TMEM52B: variants seen among roughly 807,000 people sequenced by gnomAD.
The protein encoded by TMEM52B is chromosome 12 open reading frame 59.
Under a neutral mutation model 16.1 loss-of-function variants are expected in TMEM52B, and 11 were observed. The ratio of observed to expected loss-of-function variants is 0.68; its 90% CI spans 0.43 to 1.13. TMEM52B has a LOEUF of 1.13. TMEM52B is among the 50% of genes most tolerant of loss of function. The probability of loss-of-function intolerance (pLI) is 0.00; values close to 1 mark genes in which losing one functional copy is unlikely to be tolerated. For synonymous variants in TMEM52B, 101 were observed against 93.8 expected (o/e 1.08, Z -0.45); for missense variants, 243 against 230.4 (o/e 1.05, Z -0.35).
intron 1 of TMEM52B, among the ~76,000 whole-genome samples, chr12:10,173,810 A>C (rs1200843619): frequency 1.3e-5 from 2 of 151,746 alleles, no homozygotes; most frequent in African/African-American, 4.8e-5. Flanking sequence ...ACGATATCAC[A>C]CTGAAAAGGG....
At position 10,189,905 on chromosome 12, in the gene TMEM52B, C is replaced by T. The variant is rs777308706; in HGVS notation, c.317C>T (p.Ser106Leu). The T allele has an allele frequency of 1.4e-5, 22 of 1,613,782 alleles. No homozygotes were observed. The highest frequency in any genetic ancestry group is 1.2e-4 in the South Asian group (11 of 91,042). ...CCTTCTTTCTTCACAGCTCTGCAGT[C>T]GGTGTTTGGCCCTGCAGCTCGGAGG... is the stretch of plus-strand genomic sequence containing the variant. ...TLQSTITSLQ[S>L]VFGPAARRIL... The change falls in exon 5 of 5, where the codon TCG (serine) becomes TTG (leucine). Residue 106 changes from serine (S) to leucine (L), a missense_variant. Physicochemically the swap from Ser to Leu is moderately radical, Grantham distance 145 (BLOSUM62 -2). Coordinates refer to ENST00000543484, the MANE Select transcript of TMEM52B (RefSeq NM_001384896.1).
intron 2 of TMEM52B, among the ~76,000 whole-genome samples, chr12:10,184,701 T>A (rs1197168942): frequency 6.6e-6 from 1 of 152,228 alleles, no homozygotes; most frequent in Non-Finnish European, 1.5e-5. Flanking sequence ...CAAATGTGAT[T>A]GTATGACTTT....
rs748281972 is a variant in TMEM52B, at chr12:10,186,469, C to T, written c.187C>T (p.Leu63=). Residue 63 remains leucine, a synonymous_variant, in exon 4 of 5, where the codon CTG becomes TTG. Coordinates refer to ENST00000543484, the MANE Select transcript of TMEM52B (RefSeq NM_001384896.1). ...ALLLLCGLTS[L]CFRCCCLSRQ... ...GCTTCTCCTGTGTGGCCTGACGTCC[C>T]TGTGCTTCCGCTGCTGCTGTCTGAG... The T allele has an allele frequency of 3.3e-5, 53 of 1,612,528 alleles. No individual in the cohort carries two copies. The highest frequency in any genetic ancestry group is 1.6e-4 in the Middle Eastern group (1 of 6,072).
chr12:10,187,645 C>G (rs941052488), intron 4 of TMEM52B, among the ~76,000 whole-genome samples: 1 of 151,910 alleles, frequency 6.6e-6, no homozygotes, highest in Non-Finnish European at 1.5e-5. Flanking sequence ...GTTGGCCAGG[C>G]TGGTCTCAAA....
At chr12:10,171,132 A>G (rs1948712331) in intron 1 of TMEM52B, among the ~76,000 whole-genome samples, 1 of 152,258 alleles carries the variant, frequency 6.6e-6, no homozygotes, top group Non-Finnish European at 1.5e-5. Context: ...CAGTTTTTAT[A>G]GCAATTTAGT....
At position 10,182,548 on chromosome 12, in the gene TMEM52B, A is replaced by G. The variant is rs1948836676; in HGVS notation, c.55-2A>G. 1.3e-6 allele frequency: 2 copies of G among 1,535,114 alleles called. No individual in the cohort carries two copies. Among genetic ancestry groups the G allele is most frequent in the African/African-American group, 2.7e-5 (2 of 72,984 alleles). Reference sequence around the variant, plus strand: ...TGTATAAGACAATTTCTCTTTCTACAGCTTTCTGGGACGAGATGTGAGGAA... The same window carrying G: ...TGTATAAGACAATTTCTCTTTCTACGGCTTTCTGGGACGAGATGTGAGGAA... On this transcript the variant is annotated splice_acceptor_variant, in intron 1 of 4. Transcript: ENST00000543484. LOFTEE classifies it high-confidence loss of function.
In TMEM52B at chr12:10,179,434, G is replaced by T. The variant is rs1948796499; in HGVS notation, c.-141G>T. 10 of 859,264 alleles carry T rather than the reference G, an allele frequency of 1.2e-5. No individual in the cohort carries two copies. The highest frequency in any genetic ancestry group is 2.0e-5 in the Non-Finnish European group (10 of 511,632). 53.2% of individuals were successfully genotyped at this position (859,264 alleles called of 1,614,324 possible). On this transcript the variant is annotated 5_prime_UTR_variant, in exon 1 of 5. Transcript: ENST00000543484. ...GAGTAGGAGGAGACAGAGAGAACGA[G>T]AGAGAGAAAAGCTGATAAATTCCTG...
At chr12:10,175,945 C>T (rs1295165043), upstream of TMEM52B, among the ~76,000 whole-genome samples, 1 of 152,176 alleles carries the variant, frequency 6.6e-6, no homozygotes, top group Non-Finnish European at 1.5e-5. Flanking sequence ...ACTTGTTACA[C>T]CAGTTGTATA....
intron 3 of TMEM52B, among the ~76,000 whole-genome samples, chr12:10,185,736 CCATCT>C (rs1487152792): frequency 6.6e-6 from 1 of 151,860 alleles, no homozygotes; most frequent in Non-Finnish European, 1.5e-5. Flanking sequence ...AAAGAAACCC[CCATCT>C]CTATTAAAAA....
chr12:10,188,267 C>G (rs1027958080), intron 4 of TMEM52B, among the ~76,000 whole-genome samples: 1 of 151,964 alleles, frequency 6.6e-6, no homozygotes, highest in Non-Finnish European at 1.5e-5. Flanking sequence ...TGAGACCACC[C>G]TGGGCAACAT....
chr12:10,188,204 G>T (rs1372302876), intron 4 of TMEM52B, among the ~76,000 whole-genome samples: 1 of 152,084 alleles, frequency 6.6e-6, no homozygotes, highest in Non-Finnish European at 1.5e-5. Flanking sequence ...GATAACCAAG[G>T]CTGGGCACGG....
chr12:10,184,862 C>T (rs553148612), intron 2 of TMEM52B, among the ~76,000 whole-genome samples: 16 of 151,290 alleles, frequency 1.1e-4, no homozygotes, highest in African/African-American at 3.9e-4. Context: ...TTTGAGATGG[C>T]GTCACCACGG....
At chr12:10,170,532 C>A (rs961486711), upstream of TMEM52B, 1 of 143,816 alleles carries the variant, frequency 7.0e-6, no homozygotes, top group South Asian at 2.2e-4. Context: ...TTGCTCTTCG[C>A]CCAGGCTGGA....
rs978393197 is a variant in TMEM52B at position 10,191,702 on chromosome 12, A to G, written c.*1562A>G. 1 of 152,226 alleles carries G rather than the reference A, an allele frequency of 6.6e-6. No individual in the cohort carries two copies. The highest frequency in any genetic ancestry group is 1.5e-5 in the Non-Finnish European group (1 of 68,042). The allele number at this position is 152,226 out of a possible 1,614,324, so 9.4% of individuals were successfully genotyped here. On this transcript the variant is annotated 3_prime_UTR_variant, in exon 5 of 5. Transcript: ENST00000543484. Reference sequence around the variant, plus strand: ...GCCTGCTATGACTTATCTGAGAGCCATGTTCCCATTTATCTTTTTGCCAAC... The same window carrying G: ...GCCTGCTATGACTTATCTGAGAGCCGTGTTCCCATTTATCTTTTTGCCAAC...
At chr12:10,178,386 G>C (rs1591987679), upstream of TMEM52B, among the ~76,000 whole-genome samples, 1 of 151,984 alleles carries the variant, frequency 6.6e-6, no homozygotes, top group East Asian at 2.0e-4. Context: ...AGCCGGGCGT[G>C]GTGGTGGGCG....
At chr12:10,187,288 C>T (rs567045587) in intron 4 of TMEM52B, among the ~76,000 whole-genome samples, 47 of 151,716 alleles carry the variant, frequency 3.1e-4, no homozygotes, top group African/African-American at 1.1e-3. Context: ...TTTTAGTAGA[C>T]ACGAGGTTTC....
chr12:10,174,840 C>A (rs1948754145), upstream of TMEM52B, among the ~76,000 whole-genome samples: 1 of 152,058 alleles, frequency 6.6e-6, no homozygotes, highest in African/African-American at 2.4e-5. Context: ...TAATATTTGT[C>A]CTTTTGTATC....
At chr12:10,173,184 A>G (rs1018585272) in intron 1 of TMEM52B, among the ~76,000 whole-genome samples, 11 of 152,202 alleles carry the variant, frequency 7.2e-5, no homozygotes, top group African/African-American at 2.7e-4. Flanking sequence ...CTGATAGAAT[A>G]CTTTTCTATT....
intron 1 of TMEM52B, among the ~76,000 whole-genome samples, chr12:10,173,701 T>C (rs1312372835): frequency 6.6e-6 from 1 of 150,522 alleles, no homozygotes; most frequent in East Asian, 2.0e-4. Flanking sequence ...ATGCTTTTCA[T>C]TTTCAGTGAG....
Sources: allele counts gnomAD v4.1 joint callset (sites outside exome capture counted in the v4.1 genomes callset), GRCh38; gene constraint gnomAD v4.1.1; transcripts MANE v1.5; gene names NCBI Gene and HGNC (gene_info 2026-07-23, HGNC 2026-07-21).